The following PARN variants were observed in gnomAD, a reference collection of about 807,000 sequenced individuals.
PARN encodes poly(A)-specific ribonuclease.
In PARN, 71 loss-of-function variants were observed where a neutral mutation model predicts 102.8. The ratio of observed to expected loss-of-function variants is 0.69; its 90% CI spans 0.57 to 0.84. The LOEUF is 0.84. Ranked by LOEUF, PARN falls within the 40% of genes least tolerant of loss-of-function variation. PARN has a pLI of 0.00. For synonymous variants in PARN, 261 were observed against 252.9 expected (o/e 1.03, Z -0.30); for missense variants, 782 against 760.9 (o/e 1.03, Z -0.33).
At chr16:14,589,830 G>A (rs537580604) in intron 13 of PARN, among the ~76,000 whole-genome samples, 1 of 152,080 alleles carries the variant, frequency 6.6e-6, no homozygotes, top group East Asian at 1.9e-4. Flanking sequence ...CTGCACCACT[G>A]CACTCCAGCC....
intron 12 of PARN, among the ~76,000 whole-genome samples, chr16:14,595,737 G>A (rs968602187): frequency 6.6e-6 from 1 of 152,096 alleles, no homozygotes; most frequent in African/African-American, 2.4e-5. Context: ...TACCATGTTG[G>A]CTAGGCTGGT....
intron 21 of PARN, among the ~76,000 whole-genome samples, chr16:14,490,756 CTTAT>C (rs1567317641): frequency 6.6e-6 from 1 of 152,066 alleles, no homozygotes; most frequent in Non-Finnish European, 1.5e-5. Context: ...TGTTTGTTTG[CTTAT>C]TTAAATATGA....
At chr16:14,541,257 G>C (rs924249460) in intron 21 of PARN, among the ~76,000 whole-genome samples, 2 of 151,764 alleles carry the variant, frequency 1.3e-5, no homozygotes, top group African/African-American at 2.4e-5. Flanking sequence ...GGGCAATAGA[G>C]AGTGAGGAAG....
At chr16:14,455,882 T>G (rs562408288) in intron 22 of PARN, among the ~76,000 whole-genome samples, 13 of 152,368 alleles carry the variant, frequency 8.5e-5, no homozygotes, top group South Asian at 8.3e-4. Context: ...TTTGACCTGA[T>G]GCTGGATAAT....
Position 14,630,114 on chromosome 16 carries a change from G to A in PARN, c.12C>T (p.Ile4=). 6.4e-7 allele frequency: 1 copy of A among 1,562,350 alleles called. No individual in the cohort carries two copies. The highest frequency in any genetic ancestry group is 8.7e-7 in the Non-Finnish European group (1 of 1,152,474). MEI[I]RSNFKSNLHK... ...TGTACGGCGGACACGCACTGCTCCT[G>A]ATTATCTCCATTCTGCAGAGTGGCC... Residue 4 remains isoleucine, a synonymous_variant, in exon 1 of 24, where the codon ATC becomes ATT. Coordinates refer to ENST00000437198, the MANE Select transcript of PARN (RefSeq NM_002582.4).
In PARN at chr16:14,628,158, G is replaced by C; in HGVS notation, c.177+14C>G. Reference sequence around the variant, plus strand: ...ACATGAGAAAGAAAAAGATTTCCTAGCACATCCACTTGCCTTTTTAAGCTT... The same window carrying C: ...ACATGAGAAAGAAAAAGATTTCCTACCACATCCACTTGCCTTTTTAAGCTT... On this transcript the variant is annotated intron_variant, in intron 3 of 23. Transcript: ENST00000437198. 2 of 1,444,160 alleles carry C rather than the reference G, an allele frequency of 1.4e-6. No individual in the cohort carries two copies. The highest frequency in any genetic ancestry group is 1.9e-6 in the Non-Finnish European group (2 of 1,029,616). The allele number at this position is 1,444,160 out of a possible 1,614,324, so 89.5% of individuals were successfully genotyped here. A position where few individuals can be genotyped will look rare whatever the true frequency, so the allele number is the denominator to read the frequency against.
chr16:14,485,907 C>T (rs1275250260), intron 21 of PARN, among the ~76,000 whole-genome samples: 1 of 152,042 alleles, frequency 6.6e-6, no homozygotes, highest in Non-Finnish European at 1.5e-5. Context: ...AGGCTGGTCT[C>T]GAACTCCTGA....
intron 20 of PARN, 40 bp from the exon 21 acceptor site, chr16:14,552,135 T>C (rs1011784255): frequency 1.7e-5 from 21 of 1,260,940 alleles, no homozygotes; most frequent in Middle Eastern, 3.7e-4. Context: ...CATTTGACCA[T>C]GTGGAGAGCT....
chr16:14,565,792 GC>G (rs908328091), intron 18 of PARN, among the ~76,000 whole-genome samples: 6 of 152,202 alleles, frequency 3.9e-5, no homozygotes, highest in Non-Finnish European at 8.8e-5. Context: ...CCCTGACTCT[GC>G]CACTCCTGGG....
intron 2 of PARN, among the ~76,000 whole-genome samples, chr16:14,628,959 G>T (rs970631617): frequency 6.6e-6 from 1 of 152,186 alleles, no homozygotes; most frequent in African/African-American, 2.4e-5. Flanking sequence ...CACCTGTTGA[G>T]GCAGGCAATG....
At chr16:14,561,630 G>A (rs1045183848) in intron 18 of PARN, among the ~76,000 whole-genome samples, 2 of 152,138 alleles carry the variant, frequency 1.3e-5, no homozygotes, top group African/African-American at 4.8e-5. Context: ...TGAGCAACAT[G>A]GTGAGACTCC....
At chr16:14,448,251 C>A (rs983097112) in intron 22 of PARN, among the ~76,000 whole-genome samples, 5 of 152,078 alleles carry the variant, frequency 3.3e-5, no homozygotes, top group Non-Finnish European at 7.4e-5. Context: ...CGGGTTCAAG[C>A]GATTCTCCTG....
intron 8 of PARN, among the ~76,000 whole-genome samples, chr16:14,608,584 A>G (rs1029806295): frequency 5.3e-5 from 8 of 152,208 alleles, no homozygotes; most frequent in Non-Finnish European, 4.4e-5. Flanking sequence ...CAGCTGCATA[A>G]AGAGAGCTTA....
intron 21 of PARN, among the ~76,000 whole-genome samples, chr16:14,502,424 C>T (rs769963516): frequency 3.3e-5 from 5 of 152,018 alleles, no homozygotes; most frequent in Admixed American, 6.5e-5. Flanking sequence ...CACACATGTA[C>T]ACACATGTGT....
intron 12 of PARN, 34 bp from the exon 13 acceptor site, chr16:14,593,412 A>G: frequency 8.9e-7 from 1 of 1,124,194 alleles, no homozygotes; most frequent in East Asian, 2.4e-5. Flanking sequence ...AAAGACTTCT[A>G]CATTCGAAAT....
chr16:14,588,996 A>G (rs934448230), intron 13 of PARN, among the ~76,000 whole-genome samples: 1 of 152,070 alleles, frequency 6.6e-6, no homozygotes, highest in African/African-American at 2.4e-5. Flanking sequence ...CCTGGCCAAC[A>G]TGGTGAAACT....
intron 7 of PARN, 79 bp downstream of exon 7, chr16:14,610,565 C>A: frequency 1.2e-6 from 1 of 838,304 alleles, no homozygotes. Context: ...GTTTGTAAAG[C>A]ACAGGTTTGA....
rs771280680 is a variant in PARN at position 14,557,068 on chromosome 16, C to A, written c.1263-1359G>T. On this transcript the variant is annotated intron_variant, in intron 18 of 23. Transcript: ENST00000437198. Reference sequence around the variant, plus strand: ...ATGCCATTCAATTTTCTTTTATTTGCAAGATTATGGACAAAATATCATGCA... The same window carrying A: ...ATGCCATTCAATTTTCTTTTATTTGAAAGATTATGGACAAAATATCATGCA... Among the ~76,000 whole-genome samples, 7 of 152,022 alleles carry A rather than the reference C, an allele frequency of 4.6e-5. 1 individual carries two copies. Among genetic ancestry groups the A allele is most frequent in the Non-Finnish European group, 8.8e-5 (6 of 67,988 alleles).
In PARN at chr16:14,617,148, G is replaced by A. The variant is rs192004131; in HGVS notation, c.388+442C>T. 5.9e-5 allele frequency among the ~76,000 whole-genome samples: 9 copies of A among 151,646 alleles called. No homozygotes were observed. In the East Asian group the frequency reaches 1.7e-3, roughly 29 times the overall value. ...ACTTGTAATCCCAGCATTTTTGGAG[G>A]CCAAGGTGGGCAGATCACGAGGTCA... On this transcript the variant is annotated intron_variant, in intron 6 of 23. Coordinates refer to ENST00000437198, the MANE Select transcript of PARN (RefSeq NM_002582.4).
Sources: gnomAD v4.1 joint callset for allele counts (sites outside exome capture counted in the v4.1 genomes callset) on GRCh38, gnomAD v4.1.1 for gene constraint, MANE v1.5 for transcripts, NCBI Gene and HGNC (gene_info 2026-07-23, HGNC 2026-07-21) for gene names.